MED16: variants seen among roughly 807,000 people sequenced by gnomAD.
MED16 encodes the protein mediator of RNA polymerase II transcription subunit 16.
A neutral mutation model predicts 84.4 loss-of-function variants in MED16; 81 were observed. That is an observed-to-expected ratio of 0.96 (90% CI 0.80 to 1.15). The LOEUF (loss-of-function observed/expected upper bound fraction) is 1.15. Among genes scored for constraint, MED16 ranks in the 50% most tolerant of loss-of-function variants. The probability of loss-of-function intolerance (pLI) is 0.00; values close to 1 mark genes in which losing one functional copy is unlikely to be tolerated. For missense variants in MED16, 1,585 were observed against 1,245.9 expected (o/e 1.27, Z -4.10); for synonymous variants, 897 against 552.2 (o/e 1.62, Z -8.76).
chr19:890,839 G>A, intron 2 of MED16, 124 bp downstream of exon 2: 1 of 1,064,950 alleles, frequency 9.4e-7, no homozygotes, highest in Non-Finnish European at 1.3e-6. Flanking sequence ...TTACAGAGGA[G>A]GGCCAGGGTG....
intron 11 of MED16, 138 bp downstream of exon 11, chr19:873,302 CAAGTAGGGG>C: frequency 7.4e-6 from 4 of 539,200 alleles, no homozygotes; most frequent in East Asian, 8.8e-5. Context: ...GGCGGGACTC[CAAGTAGGGG>C]CGGGACTCCA....
At chr19:868,364 CAGCTGGGCTCAGGGGT>C (rs748089616) in intron 15 of MED16, 36 bp downstream of exon 15, 28 of 1,547,734 alleles carry the variant, frequency 1.8e-5, no homozygotes, top group Non-Finnish European at 2.5e-5. Context: ...AGCTGAGGGG[CAGCTGGGCTCAGGGGT>C]AGCTGAGGGG....
Position 872,036 on chromosome 19 carries a change from C to T in MED16, c.1988G>A (p.Arg663His), listed in dbSNP as rs777184628. 19 of 1,609,630 alleles carry T rather than the reference C, an allele frequency of 1.2e-5. No individual in the cohort carries two copies. The highest frequency in any genetic ancestry group is 2.2e-5 in the East Asian group (1 of 44,700). Residue 663 changes from arginine (R) to histidine (H), a missense_variant, in exon 12 of 16, where the codon CGC becomes CAC. Arg to His is a conservative substitution (Grantham distance 29). Coordinates refer to ENST00000325464, the MANE Select transcript of MED16 (RefSeq NM_005481.3). The stretch of plus-strand genomic sequence containing the variant: ...GCTGGGCTTCAGAAGGCCCCAGATG[C>T]GGATGACCACCATCAATTCCCGAAG... Reference protein sequence around the residue: ...GMLRELMVVIRIWGLLKPSCL... With the variant: ...GMLRELMVVIHIWGLLKPSCL...
chr19:871,250 C>G lies in MED16; in HGVS notation c.2102G>C (p.Arg701Pro), dbSNP rs373503269. Residue 701 changes from arginine to proline, a missense_variant, in exon 13 of 16, where the codon CGC becomes CCC. Coordinates refer to ENST00000325464, the MANE Select transcript of MED16 (RefSeq NM_005481.3). ...CGGCTCGCTCGCTGGGCCCTCATCG[C>G]GACCTGCGGAGAGAGGTGGCGGAAG... ...RLLTKLWICC[R>P]DEGPASEPDE... The G allele has an allele frequency of 2.0e-6, 3 of 1,535,364 alleles. No homozygotes were observed. The highest frequency in any genetic ancestry group is 2.5e-5 in the East Asian group (1 of 40,704).
At chr19:872,622 T>C (rs1464305446) in intron 11 of MED16, among the ~76,000 whole-genome samples, 1 of 125,010 alleles carries the variant, frequency 8.0e-6, no homozygotes, top group Non-Finnish European at 1.7e-5. Context: ...GCAGAAGAAA[T>C]CACAGCTGGG....
intron 8 of MED16, among the ~76,000 whole-genome samples, chr19:878,846 C>A (rs2036336160): frequency 3.6e-4 from 7 of 19,386 alleles, no homozygotes; most frequent in African/African-American, 1.2e-3. Context: ...TCAATGCCCA[C>A]CAGCCCCAGC....
At chr19:870,566 CA>C (rs1227950208) in intron 13 of MED16, among the ~76,000 whole-genome samples, 36,039 of 103,676 alleles carry the variant, frequency 0.35, 5,013 homozygotes, top group African/African-American at 0.44. Flanking sequence ...GTCGGGGAGA[CA>C]AAAAAAAAAA....
In MED16 at chr19:871,043, A is replaced by G; in HGVS notation, c.2309T>C (p.Leu770Pro). The G allele has an allele frequency of 6.5e-7, 1 of 1,542,518 alleles. No individual in the cohort carries two copies. Among genetic ancestry groups the G allele is most frequent in the Non-Finnish European group, 8.8e-7 (1 of 1,142,016 alleles). ...AATGCAGGGACACACGCACCTGGCG[A>G]GGCCGTCGAGCTGCAGGGTGGCAGC... ...GSAATLQLDGLARAPGQPKID... is the reference protein window; with the variant it reads ...GSAATLQLDGPARAPGQPKID... The change falls in exon 13 of 16, where the codon CTC (leucine) becomes CCC (proline). Residue 770 changes from leucine (L) to proline (P), a missense_variant. Transcript: ENST00000325464.
At chr19:892,060 C>T (rs908505562) in intron 1 of MED16, among the ~76,000 whole-genome samples, 102 of 151,742 alleles carry the variant, frequency 6.7e-4, no homozygotes, top group Non-Finnish European at 1.2e-3. Flanking sequence ...CACCTGTGGC[C>T]GAGGCGGGGG....
chr19:886,704 T>C (rs1043467104), intron 4 of MED16, among the ~76,000 whole-genome samples: 10 of 152,252 alleles, frequency 6.6e-5, no homozygotes, highest in Admixed American at 6.5e-4. Flanking sequence ...CGGGCACTAT[T>C]TGATTTCAAA....
rs574080336 is a variant in MED16 at position 868,915 on chromosome 19, G to A, written c.2347C>T (p.Arg783Trp). 56 of 1,550,296 alleles carry A rather than the reference G, an allele frequency of 3.6e-5. No homozygotes were observed. The highest frequency in any genetic ancestry group is 4.2e-5 in the Non-Finnish European group (48 of 1,152,804). Residue 783 changes from arginine to tryptophan, a missense_variant, in exon 14 of 16, where the codon CGG (arginine) becomes TGG (tryptophan). Arg to Trp is a moderately radical substitution (Grantham distance 101). Transcript: ENST00000325464. ...GGGCAAGCGCCAAGGTGCAGCCTCC[G>A]CAGGTGGTCGATCTTGGGCTGGCCT... ...APGQPKIDHL[R>W]RLHLGACPTE...
At chr19:879,498 G>A (rs1422762106) in intron 8 of MED16, among the ~76,000 whole-genome samples, 2 of 122,444 alleles carry the variant, frequency 1.6e-5, no homozygotes, top group Non-Finnish European at 1.7e-5. Flanking sequence ...AGCCCCACGT[G>A]CCCCAGCAGC....
At chr19:889,338 C>T (rs1372007631) in intron 4 of MED16, among the ~76,000 whole-genome samples, 2 of 152,044 alleles carry the variant, frequency 1.3e-5, no homozygotes, top group Non-Finnish European at 2.9e-5. Flanking sequence ...AGGACAGTAG[C>T]CTCCAGTGAA....
chr19:884,136 A>G (rs1341543314), intron 6 of MED16, among the ~76,000 whole-genome samples: 1 of 152,098 alleles, frequency 6.6e-6, no homozygotes, highest in Non-Finnish European at 1.5e-5. Flanking sequence ...TCCAGGGTCC[A>G]TTAGCGCTAA....
At chr19:884,880 T>C in intron 6 of MED16, 23 bp downstream of exon 6, 1 of 1,581,980 alleles carries the variant, frequency 6.3e-7, no homozygotes, top group Non-Finnish European at 8.6e-7. Context: ...GCCCAGGGCC[T>C]CCGCAGCCGG....
chr19:871,476 A>G (rs1216431001), intron 12 of MED16: 2 of 1,450,216 alleles, frequency 1.4e-6, no homozygotes, highest in Non-Finnish European at 1.9e-6. Flanking sequence ...GCCTGTCATG[A>G]GACTCCCTCA....
At chr19:876,122 G>A (rs1294991309) in intron 9 of MED16, among the ~76,000 whole-genome samples, 1 of 152,184 alleles carries the variant, frequency 6.6e-6, no homozygotes. Context: ...TCGGCAGGCT[G>A]TGCCGTGAAT....
At chr19:887,711 G>A (rs796943938) in intron 4 of MED16, among the ~76,000 whole-genome samples, 1 of 152,094 alleles carries the variant, frequency 6.6e-6, no homozygotes, top group African/African-American at 2.4e-5. Flanking sequence ...CTCTGACTCA[G>A]GCCACAGCGG....
chr19:877,625 C>G (rs2036283284), intron 8 of MED16, among the ~76,000 whole-genome samples: 1 of 95,720 alleles, frequency 1.0e-5, no homozygotes, highest in South Asian at 2.6e-4. Context: ...CCGGGGGCGC[C>G]TCCCTCTGGC....
Sources: gnomAD v4.1 joint callset for allele counts (sites outside exome capture counted in the v4.1 genomes callset) on GRCh38, gnomAD v4.1.1 for gene constraint, MANE v1.5 for transcripts, NCBI Gene and HGNC (gene_info 2026-07-23, HGNC 2026-07-21) for gene names.